Variants in CHRM3 observed in about 807,000 individuals in gnomAD.
CHRM3 encodes muscarinic acetylcholine receptor M3.
CHRM3 carries 11 observed loss-of-function variants against 41.8 expected under a neutral mutation model. That is an observed-to-expected ratio of 0.26 (90% confidence interval 0.17 to 0.44). CHRM3 has a LOEUF of 0.44. Among genes scored for constraint, CHRM3 ranks in the 20% least tolerant of loss-of-function variants. CHRM3 has a pLI of 1.00. For synonymous variants in CHRM3, 297 were observed against 301.4 expected (o/e 0.99, Z 0.15); for missense variants, 571 against 745.4 (o/e 0.77, Z 2.72).
intron 5 of CHRM3, among the ~76,000 whole-genome samples, chr1:239,780,642 CATGA>C (rs1339290821): frequency 1.3e-5 from 2 of 152,158 alleles, no homozygotes; most frequent in African/African-American, 4.8e-5. Flanking sequence ...TTATTTCTTT[CATGA>C]ATGGTTACTT....
At chr1:239,874,309 A>ATACACACAG (rs1553292012) in intron 6 of CHRM3, among the ~76,000 whole-genome samples, 2 of 120,256 alleles carry the variant, frequency 1.7e-5, no homozygotes, top group African/African-American at 7.4e-5. Flanking sequence ...ATATATATAT[A>ATACACACAG]TATATATATA....
chr1:239,399,888 T>G (rs890668024), intron 1 of CHRM3, among the ~76,000 whole-genome samples: 2 of 152,012 alleles, frequency 1.3e-5, no homozygotes, highest in Admixed American at 6.6e-5. Flanking sequence ...GGTCCTATGG[T>G]AGTTTTATTT....
chr1:239,684,865 T>G (rs1390087317), intron 5 of CHRM3, among the ~76,000 whole-genome samples: 1 of 148,994 alleles, frequency 6.7e-6, no homozygotes, highest in South Asian at 2.1e-4. Flanking sequence ...ATGGAGAGAG[T>G]GAGATTGGAG....
intron 6 of CHRM3, among the ~76,000 whole-genome samples, chr1:239,839,367 A>T (rs1311550594): frequency 6.6e-6 from 1 of 152,212 alleles, no homozygotes; most frequent in African/African-American, 2.4e-5. Flanking sequence ...GGTTCTGCAT[A>T]CTGATCAACC....
chr1:239,580,463 G>T (rs1662771399), intron 3 of CHRM3, among the ~76,000 whole-genome samples: 1 of 151,574 alleles, frequency 6.6e-6, no homozygotes, highest in Admixed American at 6.6e-5. Flanking sequence ...TTGTATTTTG[G>T]CAAAGAGTTT....
chr1:239,634,326 CGA>C (rs1261680874), intron 4 of CHRM3, among the ~76,000 whole-genome samples: 3 of 127,536 alleles, frequency 2.4e-5, no homozygotes, highest in East Asian at 4.5e-4. Flanking sequence ...ATAACAGAAA[CGA>C]GAGAGAGAGA....
chr1:239,468,572 G>A (rs565355313), intron 1 of CHRM3, among the ~76,000 whole-genome samples: 58 of 152,214 alleles, frequency 3.8e-4, no homozygotes, highest in African/African-American at 1.3e-3. Context: ...CAGCAGTCAG[G>A]TCTTTAAATT....
At chr1:239,598,638 T>A (rs1437425093) in intron 3 of CHRM3, among the ~76,000 whole-genome samples, 1 of 152,128 alleles carries the variant, frequency 6.6e-6, no homozygotes, top group Admixed American at 6.5e-5. Context: ...CCCCCTGACT[T>A]GTTTGGAGAA....
chr1:239,702,614 T>C (rs1342709270), intron 5 of CHRM3, among the ~76,000 whole-genome samples: 1 of 152,230 alleles, frequency 6.6e-6, no homozygotes, highest in African/African-American at 2.4e-5. Context: ...CTTTGCTTTT[T>C]TCTTTTTCTT....
At chr1:239,742,758 A>G (rs1470951766) in intron 5 of CHRM3, among the ~76,000 whole-genome samples, 1 of 152,204 alleles carries the variant, frequency 6.6e-6, no homozygotes, top group African/African-American at 2.4e-5. Context: ...AGAAATAACA[A>G]TTGCATGTTG....
At chr1:239,470,002 C>A (rs1303096642) in intron 1 of CHRM3, among the ~76,000 whole-genome samples, 1 of 152,176 alleles carries the variant, frequency 6.6e-6, no homozygotes, top group Non-Finnish European at 1.5e-5. Context: ...ATCCTACCCA[C>A]TGAGCCTTGT....
At chr1:239,839,543 A>G (rs1332481658) in intron 6 of CHRM3, among the ~76,000 whole-genome samples, 1 of 152,228 alleles carries the variant, frequency 6.6e-6, no homozygotes, top group South Asian at 2.1e-4. Flanking sequence ...TCCATGGAAC[A>G]TGTTTTGGCA....
intron 5 of CHRM3, among the ~76,000 whole-genome samples, chr1:239,800,610 G>C (rs913875533): frequency 6.6e-6 from 1 of 152,112 alleles, no homozygotes; most frequent in Non-Finnish European, 1.5e-5. Flanking sequence ...TTCTTACAAC[G>C]TCCAAGTCCA....
At chr1:239,425,482 T>C (rs887836566) in intron 1 of CHRM3, among the ~76,000 whole-genome samples, 3 of 152,138 alleles carry the variant, frequency 2.0e-5, no homozygotes, top group African/African-American at 7.2e-5. Context: ...GTCTTCCCAG[T>C]TATGCATAAG....
chr1:239,388,269 C>T (rs985916916), intron 1 of CHRM3, among the ~76,000 whole-genome samples: 2 of 152,144 alleles, frequency 1.3e-5, no homozygotes, highest in South Asian at 2.1e-4. Flanking sequence ...GAAAGGGCGG[C>T]CCTCTTTAGG....
Position 239,387,409 on chromosome 1 carries a change from A to G in CHRM3, c.-521+182A>G, listed in dbSNP as rs536273922. Among the ~76,000 whole-genome samples the G allele has an allele frequency of 1.4e-4, 21 of 151,796 alleles. No homozygotes were observed. Among genetic ancestry groups the G allele is most frequent in the African/African-American group, 4.3e-4 (18 of 41,392 alleles). The stretch of plus-strand genomic sequence containing the variant: ...GACGAGAGAGGCTGTTGATTTGGGG[A>G]AGATGGGGGCACTTGAATTCCGACA... On this transcript the variant is annotated intron_variant, in intron 1 of 6. Coordinates refer to ENST00000676153, the MANE Select transcript of CHRM3 (RefSeq NM_001375978.1). This position sits in a 1 kb window ranked among gnomAD's most constrained non-coding sequence, Gnocchi z 5.1.
intron 5 of CHRM3, among the ~76,000 whole-genome samples, chr1:239,765,604 C>G (rs1163876981): frequency 6.6e-6 from 1 of 152,100 alleles, no homozygotes; most frequent in Non-Finnish European, 1.5e-5. Flanking sequence ...TCGAAACCTA[C>G]TTATTTCCTT....
At chr1:239,523,536 C>T (rs986659828) in intron 2 of CHRM3, among the ~76,000 whole-genome samples, 2 of 152,132 alleles carry the variant, frequency 1.3e-5, no homozygotes, top group Non-Finnish European at 2.9e-5. Flanking sequence ...AAATCTGAAT[C>T]CATTGTCCCC....
At chr1:239,521,039 A>T (rs1362268156) in intron 2 of CHRM3, among the ~76,000 whole-genome samples, 1 of 152,220 alleles carries the variant, frequency 6.6e-6, no homozygotes. Flanking sequence ...AAAAATAGAC[A>T]TACAAAGGAA....
Sources: allele counts gnomAD v4.1 joint callset (sites outside exome capture counted in the v4.1 genomes callset), GRCh38; gene constraint gnomAD v4.1.1; non-coding constraint Gnocchi (gnomAD v3.1); transcripts MANE v1.5; gene names NCBI Gene and HGNC (gene_info 2026-07-23, HGNC 2026-07-21).